The following MAD1L1 variants were observed in gnomAD, a reference collection of about 807,000 sequenced individuals.
The protein encoded by MAD1L1 is mitotic arrest deficient 1 like 1.
A neutral mutation model predicts 96.9 loss-of-function variants in MAD1L1; 95 were observed. The ratio of observed to expected loss-of-function variants is 0.98; its 90% CI spans 0.83 to 1.16. The LOEUF (loss-of-function observed/expected upper bound fraction) is 1.16, where lower values mean the gene tolerates loss of function less well. Ranked by LOEUF, MAD1L1 falls within the 50% of genes most tolerant of loss-of-function variation. MAD1L1 has a pLI of 0.00. For missense variants in MAD1L1, 1,007 were observed against 954.4 expected (o/e 1.06, Z -0.73); for synonymous variants, 473 against 396.6 (o/e 1.19, Z -2.29).
At chr7:1,919,817 A>C (rs1241167650) in intron 17 of MAD1L1, among the ~76,000 whole-genome samples, 1 of 152,220 alleles carries the variant, frequency 6.6e-6, no homozygotes, top group Non-Finnish European at 1.5e-5. Context: ...CTCCTCCATC[A>C]GCTCAGGAGC....
chr7:1,870,051 C>T (rs1190840324), intron 18 of MAD1L1, among the ~76,000 whole-genome samples: 1 of 152,142 alleles, frequency 6.6e-6, no homozygotes, highest in Non-Finnish European at 1.5e-5. Flanking sequence ...GGCCCAGACA[C>T]GGCAGAACAA....
At chr7:1,980,016 T>G (rs1780820493) in intron 15 of MAD1L1, among the ~76,000 whole-genome samples, 1 of 152,146 alleles carries the variant, frequency 6.6e-6, no homozygotes, top group Admixed American at 6.5e-5. Flanking sequence ...GGGATGGGAC[T>G]TACAAAGAAA....
At chr7:2,059,912 C>T (rs963602982) in intron 12 of MAD1L1, among the ~76,000 whole-genome samples, 3 of 152,136 alleles carry the variant, frequency 2.0e-5, no homozygotes, top group Admixed American at 6.5e-5. Flanking sequence ...TGTTCAAATA[C>T]GCAGGGCAGA....
chr7:2,121,255 G>A (rs1562706951), intron 11 of MAD1L1, among the ~76,000 whole-genome samples: 1 of 152,240 alleles, frequency 6.6e-6, no homozygotes, highest in Non-Finnish European at 1.5e-5. Flanking sequence ...CTGCCAAGAG[G>A]ACAAGCCCAG....
chr7:2,003,405 G>A (rs369097929), intron 13 of MAD1L1, among the ~76,000 whole-genome samples: 14 of 152,242 alleles, frequency 9.2e-5, no homozygotes, highest in African/African-American at 3.4e-4. Flanking sequence ...GAAAGTGGCT[G>A]AGGCAACAGC....
chr7:1,974,505 A>G (rs911584999), intron 15 of MAD1L1, among the ~76,000 whole-genome samples: 8 of 152,236 alleles, frequency 5.3e-5, no homozygotes, highest in African/African-American at 1.9e-4. Context: ...TATACATAAA[A>G]GAATCCTCAG....
Position 1,882,241 on chromosome 7 carries a change from G to A in MAD1L1, c.1998+15959C>T, listed in dbSNP as rs978559518. Among the ~76,000 whole-genome samples the A allele has an allele frequency of 2.0e-5, 3 of 152,318 alleles. No individual in the cohort carries two copies. In the South Asian group the frequency reaches 6.2e-4, roughly 32 times the overall value. ...CGGGAGGCGAGTGTGCCGGGCAGAG[G>A]GCACCTGGGAGATGTTAGCACACGC... On this transcript the variant is annotated intron_variant, in intron 18 of 18. Coordinates refer to ENST00000265854, the MANE Select transcript of MAD1L1 (RefSeq NM_001013836.2).
At chr7:2,226,321 G>A (rs957866338) in intron 3 of MAD1L1, among the ~76,000 whole-genome samples, 1 of 152,160 alleles carries the variant, frequency 6.6e-6, no homozygotes, top group East Asian at 1.9e-4. Flanking sequence ...CAAGGAGCCT[G>A]GAATCTGGGG....
chr7:1,965,688 C>T (rs556879157), intron 15 of MAD1L1, among the ~76,000 whole-genome samples: 71 of 152,374 alleles, frequency 4.7e-4, no homozygotes, highest in African/African-American at 1.4e-3. Context: ...GCTGCAGTGG[C>T]GGCAGGGAGC....
At chr7:1,837,496 A>G (rs1782995709) in intron 18 of MAD1L1, among the ~76,000 whole-genome samples, 1 of 152,218 alleles carries the variant, frequency 6.6e-6, no homozygotes, top group Non-Finnish European at 1.5e-5. Context: ...TTGCATGTGA[A>G]TGTTCACTGT....
At chr7:1,928,204 C>A (rs1789203880) in intron 17 of MAD1L1, among the ~76,000 whole-genome samples, 1 of 149,878 alleles carries the variant, frequency 6.7e-6, no homozygotes, top group Non-Finnish European at 1.5e-5. Context: ...CCGCCGGTCC[C>A]TAAAGGAGCC....
chr7:2,106,369 G>A (rs1787100185), intron 11 of MAD1L1, among the ~76,000 whole-genome samples: 2 of 149,574 alleles, frequency 1.3e-5, no homozygotes, highest in South Asian at 4.3e-4. Context: ...TTCTCTATCG[G>A]ATATACATGC....
intron 2 of MAD1L1, 61 bp from the exon 3 acceptor site, chr7:2,230,204 A>C (rs1794124662): frequency 7.1e-7 from 1 of 1,402,964 alleles, no homozygotes. Flanking sequence ...TCAGCCGTGC[A>C]GTCAGCAGAG....
chr7:1,906,013 G>A (rs1243199041), intron 17 of MAD1L1, among the ~76,000 whole-genome samples: 4 of 138,566 alleles, frequency 2.9e-5, no homozygotes, highest in African/African-American at 1.1e-4. Flanking sequence ...TTGCGCCACT[G>A]CACTCCACGC....
At chr7:2,055,412 A>C (rs1333175716) in intron 12 of MAD1L1, among the ~76,000 whole-genome samples, 2 of 152,154 alleles carry the variant, frequency 1.3e-5, no homozygotes, top group Non-Finnish European at 2.9e-5. Flanking sequence ...GGCCCGGAGC[A>C]GCACAGGAGC....
At chr7:2,020,394 T>C (rs1782736364) in intron 12 of MAD1L1, among the ~76,000 whole-genome samples, 3 of 152,314 alleles carry the variant, frequency 2.0e-5, no homozygotes, top group South Asian at 2.1e-4. Flanking sequence ...GCCCCCACCC[T>C]TGCCTTCCTG....
chr7:2,063,965 G>C (rs2128525417), intron 12 of MAD1L1, among the ~76,000 whole-genome samples: 1 of 152,326 alleles, frequency 6.6e-6, no homozygotes, highest in Non-Finnish European at 1.5e-5. Flanking sequence ...ATCCCAGCGA[G>C]GACTGCACTG....
At chr7:2,110,179 C>G (rs1003880748) in intron 11 of MAD1L1, among the ~76,000 whole-genome samples, 1 of 152,210 alleles carries the variant, frequency 6.6e-6, no homozygotes, top group Non-Finnish European at 1.5e-5. Context: ...GGCAGCACCT[C>G]GAAGATTCTT....
chr7:1,872,939 G>A (rs537954608), intron 18 of MAD1L1, among the ~76,000 whole-genome samples: 11 of 152,326 alleles, frequency 7.2e-5, no homozygotes, highest in African/African-American at 1.2e-4. Context: ...AGAGAAAGCC[G>A]GAAACTGTCA....
Sources: gnomAD v4.1 joint callset for allele counts (sites outside exome capture counted in the v4.1 genomes callset) on GRCh38, gnomAD v4.1.1 for gene constraint, MANE v1.5 for transcripts, NCBI Gene and HGNC (gene_info 2026-07-23, HGNC 2026-07-21) for gene names.